Variants in ZNF519 observed in about 807,000 individuals in gnomAD.
ZNF519 encodes similar to Zinc finger protein 85 (Zinc finger protein HPF4) (HTF1).
ZNF519 carries 7 observed loss-of-function variants against 7.4 expected under a neutral mutation model. The observed-to-expected ratio is 0.94, with a 90% CI of 0.54 to 1.77. The LOEUF (loss-of-function observed/expected upper bound fraction) is 1.77, where lower values mean the gene tolerates loss of function less well. ZNF519 is among the 40% of genes most tolerant of loss of function. The pLI, the probability that ZNF519 is intolerant of heterozygous loss-of-function variation, is 0.00. For missense variants in ZNF519, 586 were observed against 623.1 expected (o/e 0.94, Z 0.63); for synonymous variants, 179 against 203.3 (o/e 0.88, Z 1.02).
chr18:14,127,101 T>C (rs1239011210), intron 1 of ZNF519, among the ~76,000 whole-genome samples: 1 of 152,200 alleles, frequency 6.6e-6, no homozygotes, highest in African/African-American at 2.4e-5. Context: ...ACTAACAGTT[T>C]ACAGGGAGGC....
rs573913909 is a variant in ZNF519, at chr18:14,103,286, T to C, written c.*1631A>G. 1 of 152,212 alleles carries C rather than the reference T, an allele frequency of 6.6e-6. No individual in the cohort carries two copies. The highest frequency in any genetic ancestry group is 3.4e-3 in the Middle Eastern group (1 of 294). The allele number at this position is 152,212 out of a possible 1,614,324, so 9.4% of individuals were successfully genotyped here. On this transcript the variant is annotated 3_prime_UTR_variant, in exon 3 of 3. Coordinates refer to ENST00000590202, the MANE Select transcript of ZNF519 (RefSeq NM_145287.4). ...ATAAATCATTCTCCAGGATAGACCA[T>C]ATGCTAGGCCATACAGCAGGAAAAC...
chr18:14,093,505 A>T (rs8095595), intron 2 of ZNF519, among the ~76,000 whole-genome samples: 2,697 of 152,340 alleles, frequency 0.018, 85 homozygotes, highest in African/African-American at 0.061. Flanking sequence ...CAATACATAT[A>T]TACACACATA....
intron 2 of ZNF519, among the ~76,000 whole-genome samples, chr18:14,111,406 T>C (rs1261924674): frequency 1.3e-5 from 2 of 149,456 alleles, no homozygotes; most frequent in African/African-American, 2.5e-5. Context: ...CTTGGGAGGC[T>C]GAGGCAGGTA....
downstream of ZNF519, among the ~76,000 whole-genome samples, chr18:14,099,414 G>A (rs1324958483): frequency 6.6e-6 from 1 of 152,044 alleles, no homozygotes; most frequent in East Asian, 1.9e-4. Context: ...CATAGTAGCT[G>A]CCCAATAAAA....
In ZNF519 at chr18:14,105,132, T is replaced by A. The variant is rs773316712; in HGVS notation, c.1408A>T (p.Ile470Phe). 7 of 1,613,730 alleles carry A rather than the reference T, an allele frequency of 4.3e-6. No homozygotes were observed. The African/African-American group carries it at 6.7e-5, about 15-fold the overall frequency. The change falls in exon 3 of 3, where the codon ATC (isoleucine) becomes TTC (phenylalanine). Residue 470 changes from isoleucine (I) to phenylalanine (F), a missense_variant. Coordinates refer to ENST00000590202, the MANE Select transcript of ZNF519 (RefSeq NM_145287.4). Reference protein sequence around the residue: ...FKCEECGKAFIWGSHLTQHQR... With the variant: ...FKCEECGKAFFWGSHLTQHQR... ...TGTTGAGTAAGGTGTGAGCCCCAGA[T>A]AAAAGCTTTGCCACATTCTTCACAT...
At chr18:14,086,929 T>TAAC (rs3062559) in intron 2 of ZNF519, among the ~76,000 whole-genome samples, 3 of 151,754 alleles carry the variant, frequency 2.0e-5, no homozygotes, top group Admixed American at 6.6e-5. Context: ...GACAAGGACA[T>TAAC]AACAACAACA....
intron 2 of ZNF519, among the ~76,000 whole-genome samples, chr18:14,117,501 T>A (rs1273431995): frequency 2.0e-5 from 3 of 152,168 alleles, no homozygotes; most frequent in Non-Finnish European, 4.4e-5. Context: ...GGGCATCTAA[T>A]CAAAATATGC....
chr18:14,110,813 T>C lies in ZNF519; in HGVS notation c.131-4404A>G, dbSNP rs112068486. ...CTCAGAAATGGAAAACTAGATATTG[T>C]ATATTCTTATAAGTGAGAGCTAATC... On this transcript the variant is annotated intron_variant, in intron 2 of 2. Transcript: ENST00000590202. 2.1e-3 allele frequency among the ~76,000 whole-genome samples: 326 copies of C among 152,326 alleles called. 5 individuals carry two copies. Among genetic ancestry groups the C allele is most frequent in the African/African-American group, 7.5e-3 (310 of 41,584 alleles).
At position 14,106,199 on chromosome 18, in the gene ZNF519, G is replaced by A. The variant is rs143904382; in HGVS notation, c.341C>T (p.Thr114Ile). Residue 114 changes from threonine to isoleucine, a missense_variant, in exon 3 of 3, where the codon ACT becomes ATT. Transcript: ENST00000590202. ...YLTTSHNKHL[T>I]VKGDKEYRIF... Reference sequence around the variant, plus strand: ...TCTATATTCTTTGTCTCCTTTCACAGTTAAATGTTTGTTATGACTAGTTGT... The same window carrying A: ...TCTATATTCTTTGTCTCCTTTCACAATTAAATGTTTGTTATGACTAGTTGT... The A allele has an allele frequency of 1.5e-4, 237 of 1,613,000 alleles. 2 individuals carry two copies. The African/African-American group carries it at 2.5e-3, about 17-fold the overall frequency.
chr18:14,073,712 TAATATACTTA>T (rs1292193808), downstream of ZNF519: 1 of 152,244 alleles, frequency 6.6e-6, no homozygotes, highest in Non-Finnish European at 1.5e-5. Flanking sequence ...TCATGATGTA[TAATATACTTA>T]AATATCTTCC....
chr18:14,105,725 T>A lies in ZNF519; in HGVS notation c.815A>T (p.Lys272Ile). 1 of 1,613,992 alleles carries A rather than the reference T, an allele frequency of 6.2e-7. No individual in the cohort carries two copies. The highest frequency in any genetic ancestry group is 2.2e-5 in the East Asian group (1 of 44,870). ...AAGATGTAAGCCCCTGGTAAAAGCT[T>A]TGCCACGTTCTTTATATTTCACTGA... The part of the protein sequence containing the change: ...EKSVKYKERG[K>I]AFTRGLHLGH... Residue 272 changes from lysine to isoleucine, a missense_variant, in exon 3 of 3, where the codon AAA (lysine) becomes ATA (isoleucine). Physicochemically the swap from Lys to Ile is moderately radical, Grantham distance 102. Transcript: ENST00000590202.
chr18:14,071,528 G>A (rs2046028379), downstream of ZNF519: 1 of 152,184 alleles, frequency 6.6e-6, no homozygotes, highest in Non-Finnish European at 1.5e-5. Flanking sequence ...GATGAAAGAA[G>A]TACTGTGTTC....
chr18:14,105,417 G>T lies in ZNF519; in HGVS notation c.1123C>A (p.Pro375Thr), dbSNP rs751947868. The change falls in exon 3 of 3, where the codon CCT (proline) becomes ACT (threonine). Residue 375 changes from proline (P) to threonine (T), a missense_variant. By Grantham distance (38) the Pro-to-Thr change is conservative. Transcript: ENST00000590202. ...QHQRIHTGEK[P>T]FRCKECGKAF... ...TTGCCACATTCCTTACATCTGAAAG[G>T]TTTCTCTCCGGTATGGATTCTCTGG... 1 of 1,612,342 alleles carries T rather than the reference G, an allele frequency of 6.2e-7. No homozygotes were observed. The highest frequency in any genetic ancestry group is 1.3e-5 in the African/African-American group (1 of 74,276).
rs1481693972 is a variant in ZNF519, at chr18:14,105,601, G to T, written c.939C>A (p.Ile313=). 3 of 1,613,744 alleles carry T rather than the reference G, an allele frequency of 1.9e-6. No individual in the cohort carries two copies. In the African/African-American group the frequency reaches 4.0e-5, roughly 22 times the overall value. ...ACTTGAAAGGCTTCTCTCCAGTATGGATTCTCTGATGTTGAGCAAGGTGTG... is the reference window on the plus strand; with the variant it reads ...ACTTGAAAGGCTTCTCTCCAGTATGTATTCTCTGATGTTGAGCAAGGTGTG... ...KSSHLAQHQR[I]HTGEKPFKCK... The change falls in exon 3 of 3, where the codon ATC becomes ATA. Residue 313 remains isoleucine (I), a synonymous_variant. Transcript: ENST00000590202.
At chr18:14,086,914 A>T (rs575422612) in intron 2 of ZNF519, among the ~76,000 whole-genome samples, 1 of 122,640 alleles carries the variant, frequency 8.2e-6, no homozygotes, top group Non-Finnish European at 1.7e-5. Context: ...AAAGATATCA[A>T]ATCAGACAAG....
intron 3 of ZNF519, among the ~76,000 whole-genome samples, chr18:14,081,300 T>TA (rs1227030155): frequency 4.0e-5 from 6 of 151,466 alleles, no homozygotes; most frequent in Admixed American, 3.9e-4. Flanking sequence ...CTCTATAAAT[T>TA]AAAAAAAATG....
chr18:14,124,154 C>G (rs1258748212), intron 2 of ZNF519, 196 bp downstream of exon 2: 1 of 368,518 alleles, frequency 2.7e-6, no homozygotes, highest in African/African-American at 2.4e-5. Context: ...GCCTGGGTAA[C>G]AAGAGCGAAA....
chr18:14,111,369 G>A (rs1029213725), intron 2 of ZNF519, among the ~76,000 whole-genome samples: 3 of 151,362 alleles, frequency 2.0e-5, no homozygotes, highest in African/African-American at 7.3e-5. Flanking sequence ...AGCTGGGCAC[G>A]GTGGCAGGCA....
At chr18:14,082,966 C>G (rs550330255) in intron 3 of ZNF519, 1 of 152,452 alleles carries the variant, frequency 6.6e-6, no homozygotes, top group Admixed American at 6.5e-5. Flanking sequence ...AGCCACTGTG[C>G]CTGCCCTGGT....
Sources: gnomAD v4.1 joint callset for allele counts (sites outside exome capture counted in the v4.1 genomes callset) on GRCh38, gnomAD v4.1.1 for gene constraint, MANE v1.5 for transcripts, NCBI Gene and HGNC (gene_info 2026-07-23, HGNC 2026-07-21) for gene names.